Variants in ZNF100 observed in about 807,000 individuals in gnomAD.
ZNF100 encodes zinc finger protein 100 (Y1).
Under a neutral mutation model 15.8 loss-of-function variants are expected in ZNF100, and 12 were observed. The ratio of observed to expected loss-of-function variants is 0.76; its 90% CI spans 0.49 to 1.23. The LOEUF (loss-of-function observed/expected upper bound fraction) is 1.23. Ranked by LOEUF, ZNF100 falls within the 50% of genes most tolerant of loss-of-function variation. The pLI is 0.00. For missense variants in ZNF100, 670 were observed against 635.6 expected, an observed-to-expected ratio of 1.05 and a Z score of -0.58; for synonymous variants, 226 against 214.8, an observed-to-expected ratio of 1.05 and a Z score of -0.45.
At chr19:21,751,179 T>C in intron 2 of ZNF100, 1 of 1,332,652 alleles carries the variant, frequency 7.5e-7, no homozygotes, top group South Asian at 1.2e-5. Context: ...ATCATCTATC[T>C]CCAGGGCAGC....
At chr19:21,750,915 CAG>C in intron 2 of ZNF100, 1 of 627,992 alleles carries the variant, frequency 1.6e-6, no homozygotes, top group East Asian at 2.8e-5. Flanking sequence ...TGCGTGGTGC[CAG>C]AGCTGTACTG....
intron 4 of ZNF100, chr19:21,743,012 G>A (rs1278664541): frequency 6.6e-6 from 1 of 152,150 alleles, no homozygotes; most frequent in African/African-American, 2.4e-5. Context: ...GGCAGATCAA[G>A]AGGTCAACAG....
rs926003316 is a variant in ZNF100 at position 21,727,937 on chromosome 19, A to T, written c.375T>A (p.Asp125Glu). 2 of 1,585,106 alleles carry T rather than the reference A, an allele frequency of 1.3e-6. No homozygotes were observed. Among genetic ancestry groups the T allele is most frequent in the Non-Finnish European group, 1.7e-6 (2 of 1,168,388 alleles). The change falls in exon 5 of 5, where the codon GAT becomes GAA. Residue 125 changes from aspartate to glutamate, a missense_variant. Transcript: ENST00000358296. ...TTTTCAGAATCGCTTCTTGAAAAGA[A>T]TCTTTAATGTCCTGCTCTGCCCAAA... ...QDLWAEQDIK[D>E]SFQEAILKKY...
chr19:21,727,097 T>C lies in ZNF100; in HGVS notation c.1215A>G (p.Glu405=). 3.7e-6 allele frequency: 6 copies of C among 1,613,614 alleles called. No individual in the cohort carries two copies. The highest frequency in any genetic ancestry group is 4.2e-6 in the Non-Finnish European group (5 of 1,179,816). ...HTGEKFYKCE[E]CGKGFNWSSA... is the part of the protein sequence containing the mutation. ...AGGACCAGTTAAAGCCTTTGCCGCA[T>C]TCTTCACATTTGTAGAATTTCTCTC... The change falls in exon 5 of 5, where the codon GAA becomes GAG. Residue 405 remains glutamate (E), a synonymous_variant. Transcript: ENST00000358296.
At chr19:21,743,658 TAG>T (rs1324832917) in intron 4 of ZNF100, among the ~76,000 whole-genome samples, 6 of 152,020 alleles carry the variant, frequency 3.9e-5, no homozygotes, top group Admixed American at 6.6e-5. Context: ...TAGTTTAACA[TAG>T]AGTTTCCCAA....
intron 2 of ZNF100, chr19:21,751,376 C>A: frequency 1.2e-6 from 1 of 829,204 alleles, no homozygotes; most frequent in African/African-American, 1.7e-5. Flanking sequence ...AAAAGTTCCA[C>A]AGGAATAGTT....
At chr19:21,751,516 C>G in intron 2 of ZNF100, 2 of 1,105,294 alleles carry the variant, frequency 1.8e-6, no homozygotes, top group Non-Finnish European at 2.8e-6. Context: ...ATGCTGAAAT[C>G]GACATTTGCC....
intron 2 of ZNF100, among the ~76,000 whole-genome samples, chr19:21,753,770 T>C (rs2036347839): frequency 6.6e-6 from 1 of 152,216 alleles, no homozygotes; most frequent in Non-Finnish European, 1.5e-5. Context: ...GTTTCTTTAA[T>C]TTAAAGGAAG....
chr19:21,734,948 A>C (rs1357301089), intron 4 of ZNF100, among the ~76,000 whole-genome samples: 1 of 152,156 alleles, frequency 6.6e-6, no homozygotes, highest in Non-Finnish European at 1.5e-5. Flanking sequence ...AATATCCTGC[A>C]ACTAAGCTTC....
intron 4 of ZNF100, among the ~76,000 whole-genome samples, chr19:21,731,252 T>C (rs556157001): frequency 2.2e-4 from 29 of 134,776 alleles, no homozygotes; most frequent in Middle Eastern, 3.8e-3. Flanking sequence ...TCCATAATTA[T>C]TGCAGCATTT....
intron 2 of ZNF100, chr19:21,752,727 A>C (rs2145732118): frequency 6.6e-6 from 1 of 152,424 alleles, no homozygotes; most frequent in Middle Eastern, 3.4e-3. Context: ...ACAGTGAAAA[A>C]AAAGTAAAGC....
rs1445554306 is a variant in ZNF100, at chr19:21,722,954, ATCT to A, written c.*3726_*3728del. ...AACAAAGAACAACTATTCTGATTTA[ATCT>A]TCTCACCTGTGGACAATGTATGCTT... On this transcript the variant is annotated 3_prime_UTR_variant, in exon 5 of 5. Coordinates refer to ENST00000358296, the MANE Select transcript of ZNF100 (RefSeq NM_173531.4). 2 of 151,976 alleles carry A rather than the reference ATCT, an allele frequency of 1.3e-5. No homozygotes were observed. The highest frequency in any genetic ancestry group is 2.9e-5 in the Non-Finnish European group (2 of 67,980). The allele number at this position is 151,976 out of a possible 1,614,324, so 9.4% of individuals were successfully genotyped here.
chr19:21,742,936 A>T (rs1238919255), intron 4 of ZNF100: 1 of 152,194 alleles, frequency 6.6e-6, no homozygotes, highest in Admixed American at 6.5e-5. Flanking sequence ...TTACAATAAA[A>T]GATATAAGAT....
At chr19:21,732,879 T>C (rs1183879793) in intron 4 of ZNF100, among the ~76,000 whole-genome samples, 1 of 152,070 alleles carries the variant, frequency 6.6e-6, no homozygotes, top group Non-Finnish European at 1.5e-5. Context: ...AAATAAGGAC[T>C]TTCCAAAATA....
chr19:21,726,861 G>C lies in ZNF100; in HGVS notation c.1451C>G (p.Pro484Arg). 2 of 1,613,300 alleles carry C rather than the reference G, an allele frequency of 1.2e-6. No individual in the cohort carries two copies. The highest frequency in any genetic ancestry group is 1.1e-5 in the South Asian group (1 of 90,864). Residue 484 changes from proline to arginine, a missense_variant, in exon 5 of 5, where the codon CCC becomes CGC. Pro to Arg is a moderately radical substitution (Grantham distance 103). Transcript: ENST00000358296. The stretch of plus-strand genomic sequence containing the variant: ...TTTGCCACATTCCTCACATTTGTAG[G>C]GTTTCTCTCCAGTATGAATCATCTT... ...AHKMIHTGEK[P>R]YKCEECGKAF... is the part of the protein sequence containing the mutation.
In ZNF100 at chr19:21,727,536, T is replaced by C. The variant is rs368976801; in HGVS notation, c.776A>G (p.Lys259Arg). ...TTHRRIHTGE[K>R]PYKCEECGKA... ...CCCACATTCTTCACATTTGTAGGGT[T>C]TCTCTCCAGTATGAATTCTCCTGTG... Residue 259 changes from lysine (K) to arginine (R), a missense_variant, in exon 5 of 5, where the codon AAA becomes AGA. Coordinates refer to ENST00000358296, the MANE Select transcript of ZNF100 (RefSeq NM_173531.4). 22 of 1,613,752 alleles carry C rather than the reference T, an allele frequency of 1.4e-5. No homozygotes were observed. Among genetic ancestry groups the C allele is most frequent in the Non-Finnish European group, 1.9e-5 (22 of 1,179,864 alleles).
intron 4 of ZNF100, among the ~76,000 whole-genome samples, chr19:21,729,467 T>C (rs147779425): frequency 1.3e-3 from 197 of 151,790 alleles, no homozygotes; most frequent in African/African-American, 4.5e-3. Context: ...ATACCTAATG[T>C]AAACGACGAG....
At chr19:21,742,340 T>C (rs535126964) in intron 4 of ZNF100, among the ~76,000 whole-genome samples, 200 of 148,552 alleles carry the variant, frequency 1.3e-3, no homozygotes, top group Non-Finnish European at 2.3e-3. Context: ...GTAAATTTTA[T>C]GTTACGTGTT....
chr19:21,751,812 T>A (rs1163019672), intron 2 of ZNF100: 1 of 1,062,990 alleles, frequency 9.4e-7, no homozygotes, highest in Admixed American at 2.3e-5. Context: ...CTAGAGGCTA[T>A]TTCTAGATTA....
Sources: gnomAD v4.1 joint callset for allele counts (sites outside exome capture counted in the v4.1 genomes callset) on GRCh38, gnomAD v4.1.1 for gene constraint, MANE v1.5 for transcripts, NCBI Gene and HGNC (gene_info 2026-07-23, HGNC 2026-07-21) for gene names.